The following PLB1 variants were observed in gnomAD, a reference collection of about 807,000 sequenced individuals.
PLB1 encodes phospholipase B1, membrane-associated.
PLB1 carries 242 observed loss-of-function variants against 227.4 expected under a neutral mutation model. The ratio of observed to expected loss-of-function variants is 1.06; its 90% confidence interval spans 0.96 to 1.18. PLB1 has a LOEUF of 1.18. Among genes scored for constraint, PLB1 ranks in the 50% most tolerant of loss-of-function variants. The pLI is 0.00. For synonymous variants in PLB1, 757 were observed against 682.2 expected (o/e 1.11, Z -1.71); for missense variants, 1,858 against 1,816.3 (o/e 1.02, Z -0.42).
At chr2:28,575,527 A>G (rs1364475943) in intron 21 of PLB1, among the ~76,000 whole-genome samples, 1 of 152,184 alleles carries the variant, frequency 6.6e-6, no homozygotes, top group African/African-American at 2.4e-5. Context: ...CCAGTGGGAA[A>G]GGTGAAAGAG....
Position 28,618,802 on chromosome 2 carries a change from T to C in PLB1, c.3315+403T>C, listed in dbSNP as rs191811601. Among the ~76,000 whole-genome samples the C allele has an allele frequency of 7.6e-3, 1,164 of 152,326 alleles. 9 individuals are homozygous for C. Among genetic ancestry groups the C allele is most frequent in the Non-Finnish European group, 0.01 (710 of 68,030 alleles). Reference sequence around the variant, plus strand: ...ATGCTCCCTACTCCATTTAAGGACATGTGCTTTGGGGCAGAGGGAGCCCGG... The same window carrying C: ...ATGCTCCCTACTCCATTTAAGGACACGTGCTTTGGGGCAGAGGGAGCCCGG... On this transcript the variant is annotated intron_variant, in intron 46 of 57. Coordinates refer to ENST00000327757, the MANE Select transcript of PLB1 (RefSeq NM_153021.5).
intron 1 of PLB1, among the ~76,000 whole-genome samples, chr2:28,510,197 A>C (rs1467768949): frequency 6.6e-6 from 1 of 152,210 alleles, no homozygotes; most frequent in Non-Finnish European, 1.5e-5. Flanking sequence ...CTGGATGTTT[A>C]CATGCATTTA....
intron 10 of PLB1, 84 bp from the exon 11 acceptor site, chr2:28,539,015 C>T (rs1052579830): frequency 2.1e-5 from 23 of 1,099,564 alleles, no homozygotes; most frequent in African/African-American, 4.6e-5. Context: ...CACACCCCAA[C>T]GGGGCCCAAG....
At chr2:28,553,913 G>A (rs1674617482) in intron 17 of PLB1, among the ~76,000 whole-genome samples, 1 of 152,154 alleles carries the variant, frequency 6.6e-6, no homozygotes, top group Non-Finnish European at 1.5e-5. Context: ...TAGTCAGATT[G>A]TCTCCTTGTG....
At chr2:28,608,858 C>G (rs577934905) in intron 43 of PLB1, among the ~76,000 whole-genome samples, 2 of 152,268 alleles carry the variant, frequency 1.3e-5, no homozygotes, top group East Asian at 3.9e-4. Flanking sequence ...CTCCCTTTCC[C>G]CAGTCTTGAA....
Position 28,643,065 on chromosome 2 carries a change from C to G in PLB1, c.*4C>G. 1 of 1,590,544 alleles carries G rather than the reference C, an allele frequency of 6.3e-7. No individual in the cohort carries two copies. The highest frequency in any genetic ancestry group is 8.6e-7 in the Non-Finnish European group (1 of 1,168,292). ...CCTGCGCACTGTGGCCCTCTAGGCC[C>G]GGGGGTGGGTCCTCACCCTAAACTC... On this transcript the variant is annotated 3_prime_UTR_variant, in exon 58 of 58. Coordinates refer to ENST00000327757, the MANE Select transcript of PLB1 (RefSeq NM_153021.5).
chr2:28,598,584 C>G, intron 34 of PLB1, 68 bp from the exon 35 acceptor site: 1 of 1,274,804 alleles, frequency 7.8e-7, no homozygotes, highest in Non-Finnish European at 1.1e-6. Flanking sequence ...CTAGGTCCCA[C>G]AGTACCAGAG....
At chr2:28,617,861 C>T in intron 45 of PLB1, 74 bp downstream of exon 45, 1 of 1,421,478 alleles carries the variant, frequency 7.0e-7, no homozygotes, top group Non-Finnish European at 9.9e-7. Context: ...ACCCTGCAAA[C>T]ATACCCTGGA....
chr2:28,620,625 A>G lies in PLB1; in HGVS notation c.3409A>G (p.Thr1137Ala). The G allele has an allele frequency of 1.2e-6, 2 of 1,613,720 alleles. No homozygotes were observed. Among genetic ancestry groups the G allele is most frequent in the South Asian group, 2.2e-5 (2 of 91,004 alleles). The stretch of plus-strand genomic sequence containing the variant: ...CATTGGAGGGGATGGGAACTTGGAG[A>G]CTCACACCACACTGCCCAGTAAGTA... Reference protein sequence around the residue: ...WSIGGDGNLETHTTLPNILKK... With the variant: ...WSIGGDGNLEAHTTLPNILKK... The change falls in exon 48 of 58, where the codon ACT (threonine) becomes GCT (alanine). Residue 1137 changes from threonine (T) to alanine (A), a missense_variant. By Grantham distance (58) the Thr-to-Ala change is moderately conservative. Coordinates refer to ENST00000327757, the MANE Select transcript of PLB1 (RefSeq NM_153021.5).
intron 1 of PLB1, among the ~76,000 whole-genome samples, chr2:28,500,163 C>T (rs1666922072): frequency 6.6e-6 from 1 of 152,174 alleles, no homozygotes; most frequent in East Asian, 1.9e-4. Flanking sequence ...TTAGATTTAT[C>T]AGAGACCACA....
In PLB1 at chr2:28,589,768, A is replaced by G. The variant is rs1004815606; in HGVS notation, c.2014A>G (p.Met672Val). Residue 672 changes from methionine to valine, a missense_variant and splice_region_variant, in exon 28 of 58, where the codon ATG (methionine) becomes GTG (valine). Transcript: ENST00000327757. Reference protein sequence around the residue: ...SRAASALWNNMLEPVGQKTTR... With the variant: ...SRAASALWNNVLEPVGQKTTR... The stretch of plus-strand genomic sequence containing the variant: ...AGCAGCCAGTGCTCTCTGGAACAAT[A>G]TGGTAAGTGGCTGCGGTAGGAAAAT... 1 of 1,612,744 alleles carries G rather than the reference A, an allele frequency of 6.2e-7. No individual in the cohort carries two copies. Among genetic ancestry groups the G allele is most frequent in the South Asian group, 1.1e-5 (1 of 91,064 alleles).
intron 49 of PLB1, among the ~76,000 whole-genome samples, chr2:28,622,964 C>T (rs1212570545): frequency 6.6e-6 from 1 of 152,210 alleles, no homozygotes; most frequent in Non-Finnish European, 1.5e-5. Context: ...GAAGAGCTTG[C>T]ACTCTAGGTA....
In PLB1 at chr2:28,584,574, C is replaced by T. The variant is rs370700109; in HGVS notation, c.1734-1187C>T. 5.3e-5 allele frequency among the ~76,000 whole-genome samples: 8 copies of T among 152,330 alleles called. 1 individual carries two copies. Among genetic ancestry groups the T allele is most frequent in the African/African-American group, 1.9e-4 (8 of 41,582 alleles). ...ATTCAAACTCAAGGTTCAAAATAGG[C>T]ATTTGCCAGGCCCATTCACAGATCT... is the stretch of plus-strand genomic sequence containing the variant. On this transcript the variant is annotated intron_variant, in intron 25 of 57. Coordinates refer to ENST00000327757, the MANE Select transcript of PLB1 (RefSeq NM_153021.5).
intron 19 of PLB1, among the ~76,000 whole-genome samples, chr2:28,565,866 G>A (rs1573007434): frequency 6.6e-6 from 1 of 152,202 alleles, no homozygotes; most frequent in African/African-American, 2.4e-5. Context: ...TAAGTATCTG[G>A]TAGTTGGCAT....
At chr2:28,585,699 C>T (rs1196927765) in intron 25 of PLB1, 62 bp from the exon 26 acceptor site, 3 of 1,319,396 alleles carry the variant, frequency 2.3e-6, no homozygotes, top group Admixed American at 1.7e-5. Context: ...AGCGTTTCTG[C>T]ATCACTTATT....
intron 9 of PLB1, among the ~76,000 whole-genome samples, chr2:28,537,183 G>A (rs1350721527): frequency 1.3e-5 from 2 of 152,120 alleles, no homozygotes; most frequent in African/African-American, 4.8e-5. Flanking sequence ...CAGAGAAACA[G>A]GGACACTGCA....
chr2:28,635,542 G>A (rs1042591984), intron 56 of PLB1, among the ~76,000 whole-genome samples: 3 of 123,496 alleles, frequency 2.4e-5, no homozygotes, highest in Non-Finnish European at 4.1e-5. Context: ...ATATATACCC[G>A]GTGAATTCAT....
chr2:28,555,059 C>T (rs539083585), intron 17 of PLB1, among the ~76,000 whole-genome samples: 2 of 152,044 alleles, frequency 1.3e-5, no homozygotes, highest in African/African-American at 4.8e-5. Context: ...TTCTGAGTCT[C>T]ACCTGGAAAG....
At chr2:28,532,249 T>C (rs1671114656) in intron 9 of PLB1, 55 bp downstream of exon 9, 4 of 1,449,626 alleles carry the variant, frequency 2.8e-6, no homozygotes, top group Non-Finnish European at 3.8e-6. Flanking sequence ...GGAGAGGGAG[T>C]GAACTAAACC....
Sources: gnomAD v4.1 joint callset for allele counts (sites outside exome capture counted in the v4.1 genomes callset) on GRCh38, gnomAD v4.1.1 for gene constraint, MANE v1.5 for transcripts, NCBI Gene and HGNC (gene_info 2026-07-23, HGNC 2026-07-21) for gene names.